Variants in TBC1D32 observed in about 807,000 individuals in gnomAD.
TBC1D32 encodes protein broad-minded.
TBC1D32 carries 151 observed loss-of-function variants against 170.3 expected under a neutral mutation model. The observed-to-expected ratio is 0.89, with a 90% CI of 0.78 to 1.01. TBC1D32 has a LOEUF of 1.01. TBC1D32 is among the 50% of genes least tolerant of loss of function. TBC1D32 has a pLI of 0.00. For synonymous variants in TBC1D32, 498 were observed against 488.0 expected (o/e 1.02, Z -0.27); for missense variants, 1,464 against 1,457.1 (o/e 1.00, Z -0.08).
rs182835042 is a variant in TBC1D32 at position 121,222,355 on chromosome 6, T to C, written c.2481+881A>G. Among the ~76,000 whole-genome samples the C allele has an allele frequency of 3.3e-5, 5 of 152,248 alleles. No homozygotes were observed. The East Asian group carries it at 9.6e-4, about 29-fold the overall frequency. ...CAATAATTCTGAGGTATACCTGTAC[T>C]TAAGAAGTGCCAACATACAAGTAAG... On this transcript the variant is annotated intron_variant, in intron 21 of 31. Transcript: ENST00000398212.
At chr6:121,289,827 C>T (rs1351948457) in intron 12 of TBC1D32, among the ~76,000 whole-genome samples, 3 of 152,006 alleles carry the variant, frequency 2.0e-5, no homozygotes, top group Non-Finnish European at 4.4e-5. Flanking sequence ...CAGAACAGAG[C>T]CCTCAGAAAT....
chr6:121,120,035 T>C (rs968719827), intron 26 of TBC1D32, among the ~76,000 whole-genome samples: 2 of 152,122 alleles, frequency 1.3e-5, no homozygotes, highest in Non-Finnish European at 2.9e-5. Flanking sequence ...AAAATCATTG[T>C]TCCACCAGCC....
At position 121,334,375 on chromosome 6, in the gene TBC1D32, A is replaced by G. The variant is rs990660797; in HGVS notation, c.56T>C (p.Leu19Ser). The change falls in exon 1 of 32, where the codon TTG (leucine) becomes TCG (serine). Residue 19 changes from leucine to serine, a missense_variant. Physicochemically the swap from Leu to Ser is moderately radical, Grantham distance 145 (BLOSUM62 -2). This residue lies in a region of TBC1D32 where 1,363 missense variants were observed against 1,338.1 expected (regional missense o/e 1.02). Coordinates refer to ENST00000398212, the MANE Select transcript of TBC1D32 (RefSeq NM_152730.6). Reference sequence around the variant, plus strand: ...GATTTTCTCCTTCACGCTCTGGAACAACCGCCTCAGCATCGCCTGCAGCAT... The same window carrying G: ...GATTTTCTCCTTCACGCTCTGGAACGACCGCCTCAGCATCGCCTGCAGCAT... ...QAMLQAMLRR[L>S]FQSVKEKITG... 11 of 1,614,128 alleles carry G rather than the reference A, an allele frequency of 6.8e-6. No homozygotes were observed. The highest frequency in any genetic ancestry group is 9.3e-6 in the Non-Finnish European group (11 of 1,180,052).
At chr6:121,253,249 T>G (rs1039564077) in intron 17 of TBC1D32, among the ~76,000 whole-genome samples, 1 of 151,036 alleles carries the variant, frequency 6.6e-6, no homozygotes. Context: ...GCCAAAGAAA[T>G]CAGCAAGAAA....
At position 121,096,392 on chromosome 6, in the gene TBC1D32, T is replaced by C. The variant is rs533904813; in HGVS notation, c.3466-5351A>G. On this transcript the variant is annotated intron_variant, in intron 30 of 31. Transcript: ENST00000398212. ...CATGCAAAAATCACAAGCATTCCTA[T>C]ACACCAATAACAGACAAACAGAGAG... The C allele has an allele frequency of 5.3e-5, 8 of 152,144 alleles. No homozygotes were observed. In the East Asian group the frequency reaches 9.7e-4, roughly 18 times the overall value. The allele number at this position is 152,144 out of a possible 1,614,324, so 9.4% of individuals were successfully genotyped here. A position where few individuals can be genotyped will look rare whatever the true frequency, so the allele number is the denominator to read the frequency against.
intron 24 of TBC1D32, among the ~76,000 whole-genome samples, chr6:121,145,749 T>C (rs1783349521): frequency 6.6e-6 from 1 of 152,184 alleles, no homozygotes; most frequent in Non-Finnish European, 1.5e-5. Flanking sequence ...AATAAATTAA[T>C]TTTTAAAATT....
intron 25 of TBC1D32, 121 bp from the exon 26 acceptor site, chr6:121,126,582 A>C: frequency 1.8e-5 from 11 of 606,818 alleles, no homozygotes; most frequent in South Asian, 1.0e-4. Flanking sequence ...ACTCTAAGGG[A>C]GTTCAATTCA....
chr6:121,210,597 C>T (rs1163847945), intron 21 of TBC1D32, among the ~76,000 whole-genome samples: 1 of 152,164 alleles, frequency 6.6e-6, no homozygotes, highest in Admixed American at 6.5e-5. Context: ...AGGCCTCAAA[C>T]ACAAATGCAA....
intron 21 of TBC1D32, among the ~76,000 whole-genome samples, chr6:121,218,002 A>G (rs187255437): frequency 6.6e-6 from 1 of 152,214 alleles, no homozygotes; most frequent in African/African-American, 2.4e-5. Context: ...AAAACATTAC[A>G]TTCAGTTGTA....
rs537229898 is a variant in TBC1D32 at position 121,270,744 on chromosome 6, C to T, written c.1733+8377G>A. On this transcript the variant is annotated intron_variant, in intron 15 of 31. Coordinates refer to ENST00000398212, the MANE Select transcript of TBC1D32 (RefSeq NM_152730.6). ...CCAATCAATAGAAAAAGAGGGAATC[C>T]TCTCTAACTCATTTTATGAGGCCAG... 6.6e-5 allele frequency among the ~76,000 whole-genome samples: 10 copies of T among 152,260 alleles called. No individual in the cohort carries two copies. In the East Asian group the frequency reaches 7.7e-4, roughly 12 times the overall value.
chr6:121,317,560 G>C lies in TBC1D32; in HGVS notation c.430C>G (p.Gln144Glu). 6.2e-7 allele frequency: 1 copy of C among 1,612,452 alleles called. No homozygotes were observed. The highest frequency in any genetic ancestry group is 8.5e-7 in the Non-Finnish European group (1 of 1,179,208). ...TRNQERQKKI[Q>E]KEKSHSYRTD... ...CGGTAACTATGGCTTTTCTCCTTTT[G>C]GATTTTTTTCTGCCTTTCTTGATTT... is the stretch of plus-strand genomic sequence containing the variant. The change falls in exon 3 of 32, where the codon CAA becomes GAA. Residue 144 changes from glutamine (Q) to glutamate (E), a missense_variant. Coordinates refer to ENST00000398212, the MANE Select transcript of TBC1D32 (RefSeq NM_152730.6).
chr6:121,290,618 A>G (rs149006233), intron 12 of TBC1D32, among the ~76,000 whole-genome samples: 3,636 of 152,308 alleles, frequency 0.024, 157 homozygotes, highest in East Asian at 0.12. Context: ...GTGAACTAGA[A>G]ATACCATTTG....
At chr6:121,328,553 G>A (rs1810781927) in intron 1 of TBC1D32, among the ~76,000 whole-genome samples, 1 of 151,982 alleles carries the variant, frequency 6.6e-6, no homozygotes. Flanking sequence ...CAAAGTGTTG[G>A]GATTACAGGC....
At chr6:121,132,993 A>T (rs2128218845) in intron 24 of TBC1D32, among the ~76,000 whole-genome samples, 1 of 152,112 alleles carries the variant, frequency 6.6e-6, no homozygotes, top group South Asian at 2.1e-4. Context: ...AGATTAATTC[A>T]TACCTTTTTC....
intron 20 of TBC1D32, among the ~76,000 whole-genome samples, chr6:121,231,951 T>A (rs1425232403): frequency 6.6e-6 from 1 of 152,188 alleles, no homozygotes; most frequent in Non-Finnish European, 1.5e-5. Context: ...TCTTTGTTTT[T>A]CTTGCATTTG....
chr6:121,326,362 C>A (rs7761551), intron 1 of TBC1D32, among the ~76,000 whole-genome samples: 16,407 of 152,026 alleles, frequency 0.11, 1,677 homozygotes, highest in African/African-American at 0.27. Flanking sequence ...AAGGAAGATA[C>A]TGAATTGAAA....
intron 24 of TBC1D32, among the ~76,000 whole-genome samples, chr6:121,139,998 A>C (rs1782592774): frequency 6.6e-6 from 1 of 152,104 alleles, no homozygotes; most frequent in Non-Finnish European, 1.5e-5. Context: ...CCATTCCCCA[A>C]AATATTAATG....
At chr6:121,130,308 C>A (rs959627688) in intron 25 of TBC1D32, among the ~76,000 whole-genome samples, 5 of 151,916 alleles carry the variant, frequency 3.3e-5, no homozygotes, top group Non-Finnish European at 7.4e-5. Context: ...ATGGTGAAAC[C>A]CCGTCTCTAC....
At chr6:121,146,233 TAC>T (rs1783430524) in intron 24 of TBC1D32, among the ~76,000 whole-genome samples, 1 of 152,206 alleles carries the variant, frequency 6.6e-6, no homozygotes, top group Admixed American at 6.5e-5. Flanking sequence ...GTCCAAAATC[TAC>T]AGTGTTGGCC....
Sources: allele counts gnomAD v4.1 joint callset (sites outside exome capture counted in the v4.1 genomes callset), GRCh38; gene constraint gnomAD v4.1.1; regional missense constraint gnomAD v4.1.1; transcripts MANE v1.5; gene names NCBI Gene and HGNC (gene_info 2026-07-23, HGNC 2026-07-21).